AUTS2: variants seen among roughly 807,000 people sequenced by gnomAD.
AUTS2 encodes activator of transcription and developmental regulator AUTS2.
A neutral mutation model predicts 112.4 loss-of-function variants in AUTS2; 17 were observed. The ratio of observed to expected loss-of-function variants is 0.15; its 90% CI spans 0.10 to 0.23. AUTS2 has a LOEUF of 0.23. Ranked by LOEUF, AUTS2 falls within the 10% of genes least tolerant of loss-of-function variation. AUTS2 has a pLI of 1.00. For synonymous variants in AUTS2, 751 were observed against 702.7 expected (o/e 1.07, Z -1.09); for missense variants, 1,510 against 1,701.6 (o/e 0.89, Z 1.98).
intron 4 of AUTS2, among the ~76,000 whole-genome samples, chr7:70,144,177 A>G (rs1807004480): frequency 6.6e-6 from 1 of 152,076 alleles, no homozygotes. Flanking sequence ...AGCAGATCTT[A>G]TCAATAACTT....
At chr7:69,695,876 A>G (rs968655097) in intron 1 of AUTS2, among the ~76,000 whole-genome samples, 1 of 152,214 alleles carries the variant, frequency 6.6e-6, no homozygotes, top group Non-Finnish European at 1.5e-5. Context: ...TTTCTTGGTC[A>G]GTAGCTTCTG....
chr7:70,300,838 G>T (rs1052293963), intron 4 of AUTS2, among the ~76,000 whole-genome samples: 1 of 152,142 alleles, frequency 6.6e-6, no homozygotes, highest in Non-Finnish European at 1.5e-5. Flanking sequence ...ATACTGTAAA[G>T]CCTCATTAAT....
At chr7:70,770,037 A>G (rs1296764647) in intron 10 of AUTS2, among the ~76,000 whole-genome samples, 2 of 152,212 alleles carry the variant, frequency 1.3e-5, no homozygotes, top group African/African-American at 4.8e-5. Flanking sequence ...TCACTGGGGC[A>G]TGTATTTAAT....
At chr7:70,379,496 C>T (rs982824271) in intron 4 of AUTS2, among the ~76,000 whole-genome samples, 5 of 147,886 alleles carry the variant, frequency 3.4e-5, no homozygotes, top group East Asian at 2.0e-4. Flanking sequence ...AGCGAGCATC[C>T]GTCTCAAAAA....
chr7:69,985,944 G>C (rs780120473), intron 2 of AUTS2, among the ~76,000 whole-genome samples: 1 of 151,732 alleles, frequency 6.6e-6, no homozygotes, highest in Non-Finnish European at 1.5e-5. Context: ...AGTTTTTTTT[G>C]TAGAGTCAGG....
At chr7:70,647,185 A>G (rs551413750) in intron 5 of AUTS2, among the ~76,000 whole-genome samples, 4 of 152,304 alleles carry the variant, frequency 2.6e-5, no homozygotes, top group Non-Finnish European at 5.9e-5. Flanking sequence ...AAGGAGCCCA[A>G]ACTCAAATCT....
At chr7:70,615,831 C>T (rs1280733457) in intron 5 of AUTS2, among the ~76,000 whole-genome samples, 2 of 152,072 alleles carry the variant, frequency 1.3e-5, no homozygotes, top group Non-Finnish European at 2.9e-5. Flanking sequence ...CTGCAACCTT[C>T]ACCTCCCAGA....
intron 4 of AUTS2, among the ~76,000 whole-genome samples, chr7:70,168,282 A>T (rs1315688340): frequency 6.6e-6 from 1 of 152,114 alleles, no homozygotes; most frequent in Non-Finnish European, 1.5e-5. Context: ...TCTGAGCAAG[A>T]TGCCTTTCCT....
chr7:70,559,388 G>A (rs983805294), intron 5 of AUTS2, among the ~76,000 whole-genome samples: 1 of 150,718 alleles, frequency 6.6e-6, no homozygotes, highest in South Asian at 2.1e-4. Context: ...AGGCTGGAGT[G>A]CAGTGGTGTG....
At chr7:70,655,659 C>G (rs1041462686) in intron 5 of AUTS2, among the ~76,000 whole-genome samples, 1 of 152,214 alleles carries the variant, frequency 6.6e-6, no homozygotes, top group Non-Finnish European at 1.5e-5. Flanking sequence ...AACAGCATCA[C>G]CTGCCTCTGG....
chr7:70,527,931 T>C (rs1799911793), intron 5 of AUTS2, among the ~76,000 whole-genome samples: 1 of 152,106 alleles, frequency 6.6e-6, no homozygotes, highest in South Asian at 2.1e-4. Context: ...GAGTTTAGTT[T>C]CCAGGATGAG....
At chr7:69,601,572 T>G (rs895309019) in intron 1 of AUTS2, among the ~76,000 whole-genome samples, 8 of 151,904 alleles carry the variant, frequency 5.3e-5, no homozygotes, top group African/African-American at 1.5e-4. Flanking sequence ...GTGGTGGTGG[T>G]GGTGCAGGTG....
At chr7:70,643,138 A>C (rs1805939607) in intron 5 of AUTS2, among the ~76,000 whole-genome samples, 1 of 152,090 alleles carries the variant, frequency 6.6e-6, no homozygotes, top group East Asian at 1.9e-4. Flanking sequence ...GATTATGTCC[A>C]CTCTGATGGC....
rs550105272 is a variant in AUTS2 at position 70,147,092 on chromosome 7, C to T, written c.660+12521C>T. Among the ~76,000 whole-genome samples, 8 of 152,074 alleles carry T rather than the reference C, an allele frequency of 5.3e-5. No homozygotes were observed. In the South Asian group the frequency reaches 1.7e-3, roughly 32 times the overall value. On this transcript the variant is annotated intron_variant, in intron 4 of 18. Coordinates refer to ENST00000342771, the MANE Select transcript of AUTS2 (RefSeq NM_015570.4). ...ATCATTTGGGCCAGGCACAGTGGTG[C>T]ATGCTTATAGTCCCAGCTGCTTGGG...
chr7:70,420,764 A>G (rs191175210), intron 4 of AUTS2, among the ~76,000 whole-genome samples: 22 of 152,370 alleles, frequency 1.4e-4, no homozygotes, highest in African/African-American at 5.3e-4. Context: ...CAGAAGGCAC[A>G]TCAGTGATAC....
intron 2 of AUTS2, among the ~76,000 whole-genome samples, chr7:69,936,388 C>A (rs1352299630): frequency 6.6e-6 from 1 of 152,030 alleles, no homozygotes; most frequent in Non-Finnish European, 1.5e-5. Context: ...CTCTCTCTGT[C>A]GCCCAGGCTG....
At chr7:69,855,487 G>T (rs562644008) in intron 1 of AUTS2, among the ~76,000 whole-genome samples, 21 of 152,168 alleles carry the variant, frequency 1.4e-4, no homozygotes, top group Admixed American at 3.9e-4. Flanking sequence ...GTATCCTCTG[G>T]ACTGCATTTT....
At chr7:69,821,287 G>A (rs1002643226) in intron 1 of AUTS2, among the ~76,000 whole-genome samples, 7 of 152,144 alleles carry the variant, frequency 4.6e-5, no homozygotes, top group African/African-American at 1.4e-4. Flanking sequence ...CCAGCTGGAC[G>A]TCCTGGGTCG....
chr7:70,252,700 A>G (rs1786665476), intron 4 of AUTS2, among the ~76,000 whole-genome samples: 1 of 152,062 alleles, frequency 6.6e-6, no homozygotes, highest in African/African-American at 2.4e-5. Flanking sequence ...GTTTTTTTCC[A>G]GTAGTTTTAC....
Sources: allele counts gnomAD v4.1 joint callset (sites outside exome capture counted in the v4.1 genomes callset), GRCh38; gene constraint gnomAD v4.1.1; transcripts MANE v1.5; gene names NCBI Gene and HGNC (gene_info 2026-07-23, HGNC 2026-07-21).